RGS21: variants seen among roughly 807,000 people sequenced by gnomAD.
The protein encoded by RGS21 is regulator of G-protein signalling 21.
RGS21 carries 19 observed loss-of-function variants against 18.7 expected under a neutral mutation model. That is an observed-to-expected ratio of 1.01 (90% CI 0.71 to 1.49). The LOEUF (loss-of-function observed/expected upper bound fraction) is 1.49. RGS21 is among the 40% of genes most tolerant of loss of function. The probability of loss-of-function intolerance (pLI) is 0.00; values close to 1 mark genes in which losing one functional copy is unlikely to be tolerated. For missense variants in RGS21, 194 were observed against 176.8 expected (o/e 1.10, Z -0.55); for synonymous variants, 56 against 57.8 (o/e 0.97, Z 0.14).
chr1:192,320,211 A>T (rs1658476276), intron 1 of RGS21, among the ~76,000 whole-genome samples: 1 of 152,038 alleles, frequency 6.6e-6, no homozygotes, highest in Non-Finnish European at 1.5e-5. Context: ...TGGGTGAAAT[A>T]ATCTGTTCAA....
intron 1 of RGS21, among the ~76,000 whole-genome samples, chr1:192,327,228 T>C (rs1658579977): frequency 6.6e-6 from 1 of 151,246 alleles, no homozygotes; most frequent in African/African-American, 2.4e-5. Context: ...CAAAGAGCAA[T>C]GAAAAAAAAG....
At chr1:192,357,710 C>T (rs973546059) in intron 4 of RGS21, among the ~76,000 whole-genome samples, 15 of 151,916 alleles carry the variant, frequency 9.9e-5, no homozygotes, top group Non-Finnish European at 1.8e-4. Flanking sequence ...GCCTGGGATA[C>T]TTGATGTTTA....
At position 192,366,206 on chromosome 1, in the gene RGS21, T is replaced by C; in HGVS notation, c.*82T>C. The C allele has an allele frequency of 1.2e-6, 1 of 859,618 alleles. No homozygotes were observed. Among genetic ancestry groups the C allele is most frequent in the Non-Finnish European group, 1.8e-6 (1 of 543,622 alleles). The allele number at this position is 859,618 out of a possible 1,614,324, so 53.2% of individuals were successfully genotyped here. ...AAGCATGATGCATTGTCTTTTGTTT[T>C]GTTTTTAGGATTTAGAAAACATTTT... On this transcript the variant is annotated 3_prime_UTR_variant, in exon 5 of 5. Coordinates refer to ENST00000417209, the MANE Select transcript of RGS21 (RefSeq NM_001039152.3).
intron 4 of RGS21, among the ~76,000 whole-genome samples, chr1:192,359,782 C>CTATATA (rs200448667): frequency 1.4e-5 from 2 of 145,202 alleles, no homozygotes; most frequent in South Asian, 2.2e-4. Context: ...CTCTCTCTCT[C>CTATATA]TATATATATA....
At chr1:192,332,941 T>TG (rs1294129500) in intron 1 of RGS21, among the ~76,000 whole-genome samples, 5 of 151,166 alleles carry the variant, frequency 3.3e-5, no homozygotes, top group Admixed American at 6.6e-5. Context: ...CTCAAAAAAA[T>TG]TTTTTTAAAT....
chr1:192,352,460 G>T (rs1659058297), intron 4 of RGS21, among the ~76,000 whole-genome samples: 1 of 151,686 alleles, frequency 6.6e-6, no homozygotes, highest in Non-Finnish European at 1.5e-5. Context: ...ACAATACTCA[G>T]GCCCTTGAAA....
chr1:192,327,283 G>A (rs545556786), intron 1 of RGS21, among the ~76,000 whole-genome samples: 2 of 151,988 alleles, frequency 1.3e-5, no homozygotes, highest in South Asian at 4.2e-4. Flanking sequence ...GAAAATGACA[G>A]TAGCCTCCGA....
intron 2 of RGS21, among the ~76,000 whole-genome samples, chr1:192,344,181 A>C (rs1022658863): frequency 6.6e-6 from 1 of 152,048 alleles, no homozygotes. Flanking sequence ...AATTTTAACT[A>C]TTATTTAGAG....
At chr1:192,340,808 G>A (rs1658848179) in intron 1 of RGS21, among the ~76,000 whole-genome samples, 1 of 152,018 alleles carries the variant, frequency 6.6e-6, no homozygotes, top group Admixed American at 6.6e-5. Context: ...CAACCAAAAG[G>A]GGAAACTCCG....
In RGS21 at chr1:192,367,164, G is replaced by A. The variant is rs1019818016; in HGVS notation, c.*1040G>A. 3.3e-5 allele frequency: 5 copies of A among 151,780 alleles called. No individual in the cohort carries two copies. Among genetic ancestry groups the A allele is most frequent in the Non-Finnish European group, 2.9e-5 (2 of 67,886 alleles). The allele number at this position is 151,780 out of a possible 1,614,324, so 9.4% of individuals were successfully genotyped here. A position where few individuals can be genotyped will look rare whatever the true frequency, so the allele number is the denominator to read the frequency against. On this transcript the variant is annotated 3_prime_UTR_variant, in exon 5 of 5. Coordinates refer to ENST00000417209, the MANE Select transcript of RGS21 (RefSeq NM_001039152.3). ...TGATATTTCTGCTTTTAGATTGTTT[G>A]AACATTAAAAAATGGAGGAAAAATA...
rs184244695 is a variant in RGS21, at chr1:192,335,256, G to T, written c.-60-7721G>T. On this transcript the variant is annotated intron_variant, in intron 1 of 4. Coordinates refer to ENST00000417209, the MANE Select transcript of RGS21 (RefSeq NM_001039152.3). ...CACCACTTAAACTAAGTAACTTTTG[G>T]GAAGAAGGAAATGATTCTCTGAGCT... Among the ~76,000 whole-genome samples, 215 of 152,146 alleles carry T rather than the reference G, an allele frequency of 1.4e-3. 1 individual carries two copies. The highest frequency in any genetic ancestry group is 5.0e-3 in the African/African-American group (206 of 41,522).
rs1557984107 is a variant in RGS21, at chr1:192,366,661, C to CG, written c.*537_*538insG. The CG allele has an allele frequency of 6.6e-6, 1 of 152,252 alleles. No individual in the cohort carries two copies. The highest frequency in any genetic ancestry group is 1.5e-5 in the Non-Finnish European group (1 of 68,258). 9.4% of individuals were successfully genotyped at this position (152,252 alleles called of 1,614,324 possible). On this transcript the variant is annotated 3_prime_UTR_variant, in exon 5 of 5. Transcript: ENST00000417209. The stretch of plus-strand genomic sequence containing the variant: ...ATTTTTTAAATCACAGGAATGTATA[C>CG]ACATTTATATGTATGTCTTGAATGC...
At chr1:192,344,693 A>G (rs1171264640) in intron 2 of RGS21, among the ~76,000 whole-genome samples, 1 of 152,122 alleles carries the variant, frequency 6.6e-6, no homozygotes, top group Non-Finnish European at 1.5e-5. Context: ...ACTTCACCTA[A>G]TTTCTGAAAA....
intron 4 of RGS21, among the ~76,000 whole-genome samples, chr1:192,358,986 G>A (rs541405606): frequency 6.6e-6 from 1 of 152,176 alleles, no homozygotes; most frequent in African/African-American, 2.4e-5. Flanking sequence ...GTCAATGTCA[G>A]TTGTGTCAAG....
At chr1:192,365,282 C>T (rs1659238729) in intron 4 of RGS21, among the ~76,000 whole-genome samples, 1 of 152,210 alleles carries the variant, frequency 6.6e-6, no homozygotes, top group Non-Finnish European at 1.5e-5. Context: ...GAGCATTTTA[C>T]ATATTTGCAG....
intron 4 of RGS21, among the ~76,000 whole-genome samples, chr1:192,360,590 G>C (rs1466007786): frequency 1.3e-5 from 2 of 151,968 alleles, no homozygotes; most frequent in Non-Finnish European, 2.9e-5. Context: ...CACCACATGG[G>C]AGCCAGCGAT....
intron 1 of RGS21, among the ~76,000 whole-genome samples, chr1:192,331,089 T>C (rs77893423): frequency 6.6e-6 from 1 of 152,184 alleles, no homozygotes; most frequent in Non-Finnish European, 1.5e-5. Context: ...TAGACTACTT[T>C]AAGAAAGACT....
At chr1:192,328,675 C>T (rs376699224) in intron 1 of RGS21, among the ~76,000 whole-genome samples, 5 of 152,098 alleles carry the variant, frequency 3.3e-5, no homozygotes, top group East Asian at 1.9e-4. Flanking sequence ...AATACACATT[C>T]TGCTTAAAAT....
chr1:192,336,388 C>T (rs1415385833), intron 1 of RGS21, among the ~76,000 whole-genome samples: 3 of 152,050 alleles, frequency 2.0e-5, no homozygotes, highest in Non-Finnish European at 4.4e-5. Flanking sequence ...CAAGGAGGCG[C>T]AGGTTGCAGT....
Sources: gnomAD v4.1 joint callset for allele counts (sites outside exome capture counted in the v4.1 genomes callset) on GRCh38, gnomAD v4.1.1 for gene constraint, MANE v1.5 for transcripts, NCBI Gene and HGNC (gene_info 2026-07-23, HGNC 2026-07-21) for gene names.